PTPRD: variants seen among roughly 807,000 people sequenced by gnomAD.
PTPRD encodes the protein receptor-type tyrosine-protein phosphatase delta.
Under a neutral mutation model 214.5 loss-of-function variants are expected in PTPRD, and 34 were observed. The ratio of observed to expected loss-of-function variants is 0.16; its 90% CI spans 0.12 to 0.21. PTPRD has a LOEUF of 0.21. Among genes scored for constraint, PTPRD ranks in the 10% least tolerant of loss-of-function variants. The pLI is 1.00. For missense variants in PTPRD, 2,545 were observed against 2,398.7 expected, an observed-to-expected ratio of 1.06 and a Z score of -1.27; for synonymous variants, 1,128 against 845.7, an observed-to-expected ratio of 1.33 and a Z score of -5.79.
intron 11 of PTPRD, chr9:8,858,097 CCT>C: frequency 6.1e-6 from 1 of 162,824 alleles, no homozygotes; most frequent in Non-Finnish European, 1.3e-5. Context: ...TCCTCCCCCT[CCT>C]CCTCCTCCTC....
chr9:9,722,645 C>G (rs2097980583), intron 7 of PTPRD, among the ~76,000 whole-genome samples: 1 of 152,020 alleles, frequency 6.6e-6, no homozygotes, highest in Non-Finnish European at 1.5e-5. Flanking sequence ...AACTGCTAAA[C>G]TACATCTGAA....
At chr9:9,892,692 G>C (rs1412542777) in intron 5 of PTPRD, among the ~76,000 whole-genome samples, 1 of 151,818 alleles carries the variant, frequency 6.6e-6, no homozygotes, top group Non-Finnish European at 1.5e-5. Flanking sequence ...TGATGCATGA[G>C]GGTGACCAAG....
intron 36 of PTPRD, among the ~76,000 whole-genome samples, chr9:8,402,060 A>C (rs573773267): frequency 2.8e-4 from 43 of 152,200 alleles, no homozygotes; most frequent in Non-Finnish European, 5.9e-4. Flanking sequence ...TTTAAGATAC[A>C]GGATGATTGA....
rs561395994 is a variant in PTPRD at position 10,061,646 on chromosome 9, A to T, written c.-544-27856T>A. Among the ~76,000 whole-genome samples the T allele has an allele frequency of 5.4e-4, 82 of 152,198 alleles. No individual in the cohort carries two copies. In the Middle Eastern group the frequency reaches 0.014, roughly 25 times the overall value. ...AAGCTGCCACTATTTCTAATGCCCAAATTAGGAAATTTAAGAGGCTGATTT... is the reference window on the plus strand; with the variant it reads ...AAGCTGCCACTATTTCTAATGCCCATATTAGGAAATTTAAGAGGCTGATTT... On this transcript the variant is annotated intron_variant, in intron 3 of 45. Transcript: ENST00000381196.
At chr9:10,569,722 C>A (rs982233893) in intron 2 of PTPRD, among the ~76,000 whole-genome samples, 5 of 152,064 alleles carry the variant, frequency 3.3e-5, no homozygotes, top group Non-Finnish European at 7.4e-5. Flanking sequence ...CAAAGTGAGA[C>A]AATTATTGAA....
chr9:8,364,332 C>A (rs1298523975), intron 39 of PTPRD, among the ~76,000 whole-genome samples: 2 of 152,248 alleles, frequency 1.3e-5, no homozygotes, highest in African/African-American at 4.8e-5. Context: ...TATCATTGGA[C>A]AGTGTACCAC....
At chr9:9,437,982 G>C (rs2086000812) in intron 8 of PTPRD, among the ~76,000 whole-genome samples, 1 of 152,162 alleles carries the variant, frequency 6.6e-6, no homozygotes, top group Non-Finnish European at 1.5e-5. Flanking sequence ...TTGGTTCCTT[G>C]CGAGGCCTGT....
chr9:9,169,868 A>G (rs2130908913), intron 10 of PTPRD, among the ~76,000 whole-genome samples: 1 of 152,322 alleles, frequency 6.6e-6, no homozygotes, highest in East Asian at 1.9e-4. Context: ...TGGTTAGCCT[A>G]ATGATGTTTC....
Position 10,304,053 on chromosome 9 carries a change from C to T in PTPRD, c.-545+36910G>A, listed in dbSNP as rs138055920. Among the ~76,000 whole-genome samples, 1,146 of 152,200 alleles carry T rather than the reference C, an allele frequency of 7.5e-3. 13 individuals carry two copies. Among genetic ancestry groups the T allele is most frequent in the South Asian group, 0.053 (257 of 4,816 alleles). ...AAGTGATTCCAGCAGCACATCAAAA[C>T]GCTCATCCACCACAATCAAGGTGGC... On this transcript the variant is annotated intron_variant, in intron 3 of 45. Coordinates refer to ENST00000381196, the MANE Select transcript of PTPRD (RefSeq NM_002839.4).
At chr9:10,253,318 T>C (rs972600959) in intron 3 of PTPRD, among the ~76,000 whole-genome samples, 3 of 152,144 alleles carry the variant, frequency 2.0e-5, no homozygotes, top group African/African-American at 7.2e-5. Context: ...AGTATTTCCA[T>C]CAGTAATTGC....
chr9:10,479,628 C>CATAAATAA (rs879459258), intron 2 of PTPRD, among the ~76,000 whole-genome samples: 37 of 101,778 alleles, frequency 3.6e-4, no homozygotes, highest in African/African-American at 9.7e-4. Flanking sequence ...AAAAAGAAAA[C>CATAAATAA]ATAAATAAAT....
At position 10,474,311 on chromosome 9, in the gene PTPRD, G is replaced by GAA. The variant is rs34654482; in HGVS notation, c.-599-133296_-599-133295dup. ...ATATTTACCAAGCAAATGGAAAGCA[G>GAA]AAAAAAAAAAAGCAGGGGTTGCAAT... On this transcript the variant is annotated intron_variant, in intron 2 of 45. Coordinates refer to ENST00000381196, the MANE Select transcript of PTPRD (RefSeq NM_002839.4). 4.4e-3 allele frequency among the ~76,000 whole-genome samples: 631 copies of GAA among 143,814 alleles called. 6 individuals carry two copies. Among genetic ancestry groups the GAA allele is most frequent in the African/African-American group, 0.013 (522 of 38,956 alleles). The allele number at this position is 143,814 out of a possible 152,430, so 94.3% of individuals were successfully genotyped here.
At chr9:10,073,511 A>C (rs1423982307) in intron 3 of PTPRD, among the ~76,000 whole-genome samples, 3 of 152,164 alleles carry the variant, frequency 2.0e-5, no homozygotes, top group Non-Finnish European at 4.4e-5. Context: ...GTAAAAATTA[A>C]ATAAATCCCA....
intron 36 of PTPRD, among the ~76,000 whole-genome samples, chr9:8,391,941 C>T (rs10815848): frequency 0.11 from 16,266 of 151,828 alleles, 931 homozygotes; most frequent in African/African-American, 0.13. Flanking sequence ...TGCATACTGC[C>T]CAAGTTTGAA....
chr9:9,191,661 T>A (rs28395380), intron 9 of PTPRD, among the ~76,000 whole-genome samples: 1 of 151,962 alleles, frequency 6.6e-6, no homozygotes, highest in Non-Finnish European at 1.5e-5. Flanking sequence ...AAAGCAATGC[T>A]GTAACTCTTT....
chr9:9,307,235 T>G (rs921804098), intron 9 of PTPRD, among the ~76,000 whole-genome samples: 2 of 152,178 alleles, frequency 1.3e-5, no homozygotes, highest in African/African-American at 4.8e-5. Context: ...ATTTATCACT[T>G]GTAAGATCAA....
intron 2 of PTPRD, among the ~76,000 whole-genome samples, chr9:10,493,900 C>G (rs975190737): frequency 5.3e-5 from 8 of 151,914 alleles, no homozygotes; most frequent in African/African-American, 1.9e-4. Flanking sequence ...GTTACATGAA[C>G]TAATACAGCA....
rs1193645875 is a variant in PTPRD, at chr9:8,500,885, G to A, written c.1997C>T (p.Pro666Leu). 4 of 1,614,042 alleles carry A rather than the reference G, an allele frequency of 2.5e-6. No homozygotes were observed. The highest frequency in any genetic ancestry group is 1.6e-4 in the Middle Eastern group (1 of 6,082). Reference protein sequence around the residue: ...DDKPHEILGIPSDTTKYLLEQ... With the variant: ...DDKPHEILGILSDTTKYLLEQ... ...CAAAAGGTATTTGGTAGTGTCCGAA[G>A]GAATTCCCAAAATCTCGTGAGGCTT... The change falls in exon 24 of 46, where the codon CCT (proline) becomes CTT (leucine). Residue 666 changes from proline (P) to leucine (L), a missense_variant. Pro to Leu is a moderately conservative substitution (Grantham distance 98). Coordinates refer to ENST00000381196, the MANE Select transcript of PTPRD (RefSeq NM_002839.4).
intron 3 of PTPRD, among the ~76,000 whole-genome samples, chr9:10,141,122 G>C (rs1443429036): frequency 1.3e-5 from 2 of 152,174 alleles, no homozygotes; most frequent in Non-Finnish European, 2.9e-5. Context: ...AGCTATCTAT[G>C]ACAAACCCAC....
Sources: gnomAD v4.1 joint callset for allele counts (sites outside exome capture counted in the v4.1 genomes callset) on GRCh38, gnomAD v4.1.1 for gene constraint, MANE v1.5 for transcripts, NCBI Gene and HGNC (gene_info 2026-07-23, HGNC 2026-07-21) for gene names.